Variants in DST observed in about 807,000 individuals in gnomAD.
The protein encoded by DST is bullous pemphigoid antigen.
A neutral mutation model predicts 875.2 loss-of-function variants in DST; 253 were observed. That is an observed-to-expected ratio of 0.29 (90% CI 0.26 to 0.32). The LOEUF (loss-of-function observed/expected upper bound fraction) is 0.32. Among genes scored for constraint, DST ranks in the 10% least tolerant of loss-of-function variants. DST has a pLI of 1.00. For synonymous variants in DST, 3,124 were observed against 3,197.1 expected, an observed-to-expected ratio of 0.98 and a Z score of 0.77; for missense variants, 8,287 against 9,111.6, an observed-to-expected ratio of 0.91 and a Z score of 3.68.
rs375694337 is a variant in DST at position 56,714,835 on chromosome 6, T to C, written c.688-10466A>G. ...CTAGTTACTGAAATCTTACTTTTCC[T>C]ACTAGGTCAAATTCTAACGTCATCC... On this transcript the variant is annotated intron_variant, in intron 5 of 103. Coordinates refer to ENST00000680361, the MANE Select transcript of DST (RefSeq NM_001374736.1). This position sits in a 1 kb window ranked among gnomAD's most constrained non-coding sequence, Gnocchi z 4.5. 1.3e-5 allele frequency among the ~76,000 whole-genome samples: 2 copies of C among 152,256 alleles called. No individual in the cohort carries two copies. The highest frequency in any genetic ancestry group is 4.8e-5 in the African/African-American group (2 of 41,464).
chr6:56,856,146 C>A (rs1767744379), intron 3 of DST, among the ~76,000 whole-genome samples: 1 of 152,148 alleles, frequency 6.6e-6, no homozygotes, highest in African/African-American at 2.4e-5. Flanking sequence ...TCTCCTAAAG[C>A]CAGGATAATT....
At chr6:56,508,403 T>C (rs2096392099) in intron 75 of DST, 126 bp downstream of exon 75, 1 of 767,540 alleles carries the variant, frequency 1.3e-6, no homozygotes, top group African/African-American at 1.7e-5. Flanking sequence ...ACTGTATCAC[T>C]GCACATTCCA....
intron 4 of DST, among the ~76,000 whole-genome samples, chr6:56,743,969 GA>G (rs1488951431): frequency 6.6e-6 from 1 of 152,032 alleles, no homozygotes; most frequent in Non-Finnish European, 1.5e-5. Flanking sequence ...CCTGCATGGT[GA>G]AACCCCATCT....
chr6:56,827,506 CAAAAA>C (rs779051829), intron 4 of DST, among the ~76,000 whole-genome samples: 3 of 58,780 alleles, frequency 5.1e-5, no homozygotes, highest in Admixed American at 1.9e-4. Flanking sequence ...GACTCCGTCT[CAAAAA>C]AAAAAAAAAA....
chr6:56,470,336 A>C (rs2094820231), intron 95 of DST, 54 bp from the exon 96 acceptor site: 1 of 1,409,220 alleles, frequency 7.1e-7, no homozygotes. Flanking sequence ...TTCTCAAGAC[A>C]TTCTCAATTG....
intron 3 of DST, among the ~76,000 whole-genome samples, chr6:56,867,884 T>A (rs1265212377): frequency 2.6e-5 from 4 of 152,116 alleles, no homozygotes; most frequent in Non-Finnish European, 5.9e-5. Context: ...ATTTTTCACT[T>A]CCCTAGTATC....
At chr6:56,764,982 G>A (rs1461914760) in intron 4 of DST, among the ~76,000 whole-genome samples, 2 of 140,084 alleles carry the variant, frequency 1.4e-5, no homozygotes, top group South Asian at 2.2e-4. Flanking sequence ...AGGGAGGGAG[G>A]GAGGGAGGGA....
In DST at chr6:56,486,446, A is replaced by T. The variant is rs115394064; in HGVS notation, c.21047+658T>A. On this transcript the variant is annotated intron_variant, in intron 87 of 103. Transcript: ENST00000680361. ...CTGTGAGTTCCCCAGAACTGAATAT[A>T]ATCTATTTAATCTTGATACTGACAA... 7.9e-3 allele frequency among the ~76,000 whole-genome samples: 1,189 copies of T among 150,674 alleles called. 18 individuals are homozygous for T. The highest frequency in any genetic ancestry group is 0.026 in the African/African-American group (1,092 of 41,360).
chr6:56,657,861 G>C (rs2099017928), intron 10 of DST, among the ~76,000 whole-genome samples: 1 of 152,028 alleles, frequency 6.6e-6, no homozygotes, highest in Non-Finnish European at 1.5e-5. Flanking sequence ...AGCCTCCCAG[G>C]TTCTAGCAAT....
chr6:56,506,889 G>T, intron 75 of DST, 100 bp from the exon 76 acceptor site: 2 of 1,248,128 alleles, frequency 1.6e-6, no homozygotes, highest in Non-Finnish European at 2.1e-6. Context: ...CTAGAAGGTG[G>T]CATTCTAATC....
chr6:56,638,409 CT>C (rs2098846113), intron 22 of DST, among the ~76,000 whole-genome samples: 1 of 152,070 alleles, frequency 6.6e-6, no homozygotes, highest in Non-Finnish European at 1.5e-5. Context: ...CCTGATGAGC[CT>C]AGAATTGTAC....
chr6:56,694,768 G>A (rs2152864875), intron 9 of DST, among the ~76,000 whole-genome samples: 1 of 152,154 alleles, frequency 6.6e-6, no homozygotes, highest in Non-Finnish European at 1.5e-5. Context: ...TGGGTCACAG[G>A]GGCGGCTCCC....
At chr6:56,576,298 T>C (rs1179178019) in intron 50 of DST, among the ~76,000 whole-genome samples, 2 of 152,116 alleles carry the variant, frequency 1.3e-5, no homozygotes, top group African/African-American at 2.4e-5. Context: ...AGTGGGTAAA[T>C]GTAAGTAAAG....
At chr6:56,614,856 A>AT (rs1586675919) in intron 36 of DST, 2 of 994,180 alleles carry the variant, frequency 2.0e-6, no homozygotes, top group South Asian at 9.2e-5. Flanking sequence ...TAGAAGGCTG[A>AT]TAGAATAGAG....
chr6:56,569,968 T>G lies in DST; in HGVS notation c.13766A>C (p.Gln4589Pro). The G allele has an allele frequency of 6.2e-7, 1 of 1,608,234 alleles. No homozygotes were observed. Among genetic ancestry groups the G allele is most frequent in the Non-Finnish European group, 8.5e-7 (1 of 1,178,226 alleles). ...TGACTTCAATGATTTAACAAGAACT[T>G]GGAAAGCATCCAACTGTTCTTGACA... is the stretch of plus-strand genomic sequence containing the variant. ...TSCQEQLDAF[Q>P]VLVKSLKSWI... is the part of the protein sequence containing the mutation. The change falls in exon 54 of 104, where the codon CAA becomes CCA. Residue 4589 changes from glutamine to proline, a missense_variant. Gln to Pro is a moderately conservative substitution (Grantham distance 76). This residue lies in a region of DST where 1,513 missense variants were observed against 1,677.8 expected (regional missense o/e 0.90). Coordinates refer to ENST00000680361, the MANE Select transcript of DST (RefSeq NM_001374736.1).
At chr6:56,704,887 A>T (rs573596429) in intron 5 of DST, among the ~76,000 whole-genome samples, 6 of 152,330 alleles carry the variant, frequency 3.9e-5, no homozygotes, top group South Asian at 2.1e-4. Context: ...TTTCAAAAAA[A>T]TTTTTTGAAA....
At chr6:56,843,164 G>A (rs370536657) in intron 4 of DST, 3 of 1,548,590 alleles carry the variant, frequency 1.9e-6, no homozygotes, top group Non-Finnish European at 2.6e-6. Context: ...TTATCTAAGC[G>A]ATGACTGACA....
chr6:56,814,199 T>A (rs1246052593), intron 4 of DST, among the ~76,000 whole-genome samples: 2 of 152,184 alleles, frequency 1.3e-5, no homozygotes, highest in African/African-American at 4.8e-5. Flanking sequence ...TATTTCTAAA[T>A]TACTTCATTT....
chr6:56,662,612 G>A (rs572605030), intron 10 of DST, among the ~76,000 whole-genome samples: 1 of 152,152 alleles, frequency 6.6e-6, no homozygotes, highest in East Asian at 1.9e-4. Flanking sequence ...ATGGAAGTAG[G>A]AGAATGTGGG....
Sources: gnomAD v4.1 joint callset for allele counts (sites outside exome capture counted in the v4.1 genomes callset) on GRCh38, gnomAD v4.1.1 for gene constraint, gnomAD v4.1.1 regional missense constraint, Gnocchi (gnomAD v3.1) non-coding constraint, MANE v1.5 for transcripts, NCBI Gene and HGNC (gene_info 2026-07-23, HGNC 2026-07-21) for gene names.